OXR1: variants seen among roughly 807,000 people sequenced by gnomAD.
OXR1 encodes the protein oxidation resistance 1.
Under a neutral mutation model 104.6 loss-of-function variants are expected in OXR1, and 41 were observed. The ratio of observed to expected loss-of-function variants is 0.39; its 90% confidence interval spans 0.31 to 0.51. OXR1 has a LOEUF of 0.51. Ranked by LOEUF, OXR1 falls within the 20% of genes least tolerant of loss-of-function variation. The pLI, the probability that OXR1 is intolerant of heterozygous loss-of-function variation, is 0.77. For missense variants in OXR1, 955 were observed against 1,031.9 expected (o/e 0.93, Z 1.02); for synonymous variants, 348 against 348.4 (o/e 1.00, Z 0.01).
intron 2 of OXR1, among the ~76,000 whole-genome samples, chr8:106,443,763 C>T (rs1318082312): frequency 6.6e-6 from 1 of 152,022 alleles, no homozygotes. Context: ...AAGGCAATTC[C>T]ATTCAGGACA....
chr8:106,747,356 C>G (rs1465879631), intron 16 of OXR1, among the ~76,000 whole-genome samples: 1 of 152,218 alleles, frequency 6.6e-6, no homozygotes, highest in Non-Finnish European at 1.5e-5. Context: ...AAGTACTCAA[C>G]AACTGATAGC....
chr8:106,306,675 T>C (rs1042580570), intron 1 of OXR1, among the ~76,000 whole-genome samples: 1 of 152,176 alleles, frequency 6.6e-6, no homozygotes, highest in Non-Finnish European at 1.5e-5. Context: ...ACATTTTGTA[T>C]GATTCGATTT....
intron 1 of OXR1, among the ~76,000 whole-genome samples, chr8:106,317,436 C>A (rs555375260): frequency 6.6e-6 from 1 of 152,080 alleles, no homozygotes; most frequent in South Asian, 2.1e-4. Flanking sequence ...GGAAACTATA[C>A]CAAATTTAGG....
intron 2 of OXR1, among the ~76,000 whole-genome samples, chr8:106,495,249 G>A (rs1811339464): frequency 2.0e-5 from 3 of 152,024 alleles, no homozygotes; most frequent in Non-Finnish European, 4.4e-5. Context: ...AATAATATGT[G>A]TCTATTTAGT....
intron 2 of OXR1, among the ~76,000 whole-genome samples, chr8:106,460,860 A>G (rs1427650558): frequency 4.6e-5 from 7 of 152,166 alleles, no homozygotes; most frequent in Non-Finnish European, 8.8e-5. Flanking sequence ...TTATATACAT[A>G]TGTAATTACG....
intron 3 of OXR1, among the ~76,000 whole-genome samples, chr8:106,543,176 G>T (rs573063507): frequency 9.2e-5 from 14 of 152,274 alleles, no homozygotes; most frequent in African/African-American, 3.4e-4. Flanking sequence ...ATCATTCACA[G>T]AATTCCATGA....
chr8:106,476,515 A>T (rs1821818311), intron 2 of OXR1, among the ~76,000 whole-genome samples: 1 of 151,920 alleles, frequency 6.6e-6, no homozygotes, highest in Non-Finnish European at 1.5e-5. Flanking sequence ...AAAATGGTAG[A>T]GTTAGCCTAA....
At chr8:106,653,451 A>G (rs886961046) in intron 3 of OXR1, among the ~76,000 whole-genome samples, 1 of 152,004 alleles carries the variant, frequency 6.6e-6, no homozygotes, top group African/African-American at 2.4e-5. Context: ...TTAATATACA[A>G]ATATTAATTA....
At chr8:106,301,534 T>C (rs1813235289) in intron 1 of OXR1, among the ~76,000 whole-genome samples, 1 of 152,188 alleles carries the variant, frequency 6.6e-6, no homozygotes, top group Admixed American at 6.5e-5. Flanking sequence ...AAGGTTTGTA[T>C]TGAACAAACC....
At chr8:106,474,050 CA>C (rs1396143701) in intron 2 of OXR1, among the ~76,000 whole-genome samples, 2 of 139,030 alleles carry the variant, frequency 1.4e-5, no homozygotes, top group African/African-American at 2.7e-5. Context: ...CACACACACA[CA>C]CACAGTATTT....
rs535080924 is a variant in OXR1, at chr8:106,683,951, G to A, written c.412-295G>A. Among the ~76,000 whole-genome samples the A allele has an allele frequency of 2.1e-3, 326 of 152,182 alleles. 1 individual carries two copies. Among genetic ancestry groups the A allele is most frequent in the African/African-American group, 7.4e-3 (306 of 41,520 alleles). On this transcript the variant is annotated intron_variant, in intron 5 of 16. Coordinates refer to ENST00000517566, the MANE Select transcript of OXR1 (RefSeq NM_001198533.2). The stretch of plus-strand genomic sequence containing the variant: ...TTAGAAGTAAAGTTACTATATCAGA[G>A]GATATGTGCACTTTAAATTTTGCTA...
intron 10 of OXR1, 61 bp from the exon 11 acceptor site, chr8:106,713,762 T>C (rs1288615307): frequency 1.0e-5 from 10 of 954,042 alleles, no homozygotes. Context: ...TTTACAAATA[T>C]AATTTTTTAA....
chr8:106,650,610 G>A (rs536532386), intron 3 of OXR1, among the ~76,000 whole-genome samples: 48 of 152,154 alleles, frequency 3.2e-4, no homozygotes, highest in East Asian at 9.7e-4. Context: ...AATCATTTTC[G>A]AATAGGTGAT....
chr8:106,474,878 G>C (rs576568717), intron 2 of OXR1, among the ~76,000 whole-genome samples: 2 of 152,044 alleles, frequency 1.3e-5, no homozygotes, highest in South Asian at 4.1e-4. Flanking sequence ...AGAGAATGAA[G>C]AGGCAGTATA....
intron 2 of OXR1, among the ~76,000 whole-genome samples, chr8:106,463,221 A>G (rs1167151872): frequency 6.6e-6 from 1 of 152,132 alleles, no homozygotes; most frequent in Non-Finnish European, 1.5e-5. Context: ...CCTTACTTAA[A>G]TGACTGTTTC....
chr8:106,619,255 T>C (rs1179930392), intron 3 of OXR1, among the ~76,000 whole-genome samples: 1 of 152,180 alleles, frequency 6.6e-6, no homozygotes, highest in African/African-American at 2.4e-5. Context: ...AGTAATAAAT[T>C]TATGAGCATA....
At chr8:106,484,918 A>G (rs1481836820) in intron 2 of OXR1, among the ~76,000 whole-genome samples, 3 of 152,104 alleles carry the variant, frequency 2.0e-5, no homozygotes, top group Non-Finnish European at 2.9e-5. Flanking sequence ...CAAAATTTGG[A>G]AGCAACCAAG....
intron 11 of OXR1, among the ~76,000 whole-genome samples, chr8:106,721,816 A>G (rs894179724): frequency 1.3e-5 from 2 of 152,158 alleles, no homozygotes; most frequent in Non-Finnish European, 1.5e-5. Context: ...TAGTTATATA[A>G]GTGTAAAATA....
chr8:106,706,300 T>C (rs1831140548), intron 8 of OXR1, 82 bp from the exon 9 acceptor site: 1 of 923,868 alleles, frequency 1.1e-6, no homozygotes, highest in Admixed American at 2.8e-5. Flanking sequence ...TTTTTAGTGA[T>C]ACTAATTCTG....
Sources: allele counts gnomAD v4.1 joint callset (sites outside exome capture counted in the v4.1 genomes callset), GRCh38; gene constraint gnomAD v4.1.1; transcripts MANE v1.5; gene names NCBI Gene and HGNC (gene_info 2026-07-23, HGNC 2026-07-21).